The following TRAPPC8 variants were observed in gnomAD, a reference collection of about 807,000 sequenced individuals.
TRAPPC8 encodes the protein trafficking protein particle complex subunit 8, also known as general sporulation gene 1 homolog.
Under a neutral mutation model 174.3 loss-of-function variants are expected in TRAPPC8, and 54 were observed. The observed-to-expected ratio is 0.31, with a 90% CI of 0.25 to 0.39. TRAPPC8 has a LOEUF of 0.39. TRAPPC8 is among the 10% of genes least tolerant of loss of function. The pLI is 1.00. For synonymous variants in TRAPPC8, 630 were observed against 579.9 expected, an observed-to-expected ratio of 1.09 and a Z score of -1.24; for missense variants, 1,531 against 1,699.1, an observed-to-expected ratio of 0.90 and a Z score of 1.74.
intron 19 of TRAPPC8, among the ~76,000 whole-genome samples, chr18:31,864,058 TTATG>T (rs1376331989): frequency 2.7e-5 from 4 of 148,048 alleles, no homozygotes; most frequent in Non-Finnish European, 4.5e-5. Flanking sequence ...TATATTTATA[TTATG>T]TATTATATAA....
chr18:31,900,086 T>C (rs1421122180), intron 10 of TRAPPC8, among the ~76,000 whole-genome samples: 2 of 150,746 alleles, frequency 1.3e-5, no homozygotes, highest in African/African-American at 2.4e-5. Context: ...AAATACAAAA[T>C]AGCCAGGCAT....
intron 27 of TRAPPC8, chr18:31,832,389 T>C (rs996242167): frequency 2.5e-5 from 5 of 200,028 alleles, no homozygotes; most frequent in African/African-American, 1.2e-4. Context: ...TATCAGAATA[T>C]ATACATTCAC....
At position 31,942,961 on chromosome 18, in the gene TRAPPC8, C is replaced by T; in HGVS notation, c.-197G>A. The T allele has an allele frequency of 9.0e-7, 1 of 1,109,476 alleles. No individual in the cohort carries two copies. Among genetic ancestry groups the T allele is most frequent in the Non-Finnish European group, 1.1e-6 (1 of 874,532 alleles). 68.7% of individuals were successfully genotyped at this position (1,109,476 alleles called of 1,614,324 possible). ...GGCACAATCCACTGACCCCCCCCTT[C>T]CCGTCACCGCCGCTTCTCAGCGCTC... On this transcript the variant is annotated 5_prime_UTR_variant, in exon 1 of 29. Coordinates refer to ENST00000283351, the MANE Select transcript of TRAPPC8 (RefSeq NM_014939.5).
intron 2 of TRAPPC8, among the ~76,000 whole-genome samples, chr18:31,919,065 T>C (rs970825686): frequency 3.9e-5 from 6 of 152,164 alleles, no homozygotes; most frequent in Admixed American, 6.6e-5. Flanking sequence ...CTTAACCAAA[T>C]AGCATTCTAA....
chr18:31,919,774 T>C lies in TRAPPC8; in HGVS notation c.353-2107A>G, dbSNP rs554911473. Among the ~76,000 whole-genome samples the C allele has an allele frequency of 6.1e-4, 92 of 151,432 alleles. 1 individual carries two copies. The highest frequency in any genetic ancestry group is 2.2e-3 in the African/African-American group (91 of 41,264). On this transcript the variant is annotated intron_variant, in intron 2 of 28. Coordinates refer to ENST00000283351, the MANE Select transcript of TRAPPC8 (RefSeq NM_014939.5). ...TACTCGAGAGGCTGAGGTGGGAGGATCACCTGAGCCCAGGAAGTCAAGGCT... is the reference window on the plus strand; with the variant it reads ...TACTCGAGAGGCTGAGGTGGGAGGACCACCTGAGCCCAGGAAGTCAAGGCT...
chr18:31,921,244 A>T (rs924867037), intron 2 of TRAPPC8, among the ~76,000 whole-genome samples: 1 of 152,206 alleles, frequency 6.6e-6, no homozygotes, highest in Non-Finnish European at 1.5e-5. Flanking sequence ...AATCTACTAC[A>T]TTTAATTATC....
intron 12 of TRAPPC8, among the ~76,000 whole-genome samples, chr18:31,876,489 C>CAAAAAAAAAAAAAAA (rs71175801): frequency 0.025 from 1,208 of 48,678 alleles, 214 homozygotes; most frequent in Non-Finnish European, 0.029. Context: ...GACTCCATCT[C>CAAAAAAAAAAAAAAA]AAAAAAAAAA....
rs763837821 is a variant in TRAPPC8 at position 31,852,474 on chromosome 18, A to C, written c.3533T>G (p.Phe1178Cys). 17 of 1,614,202 alleles carry C rather than the reference A, an allele frequency of 1.1e-5. No individual in the cohort carries two copies. Among genetic ancestry groups the C allele is most frequent in the Admixed American group, 1.7e-5 (1 of 60,020 alleles). Residue 1178 changes from phenylalanine to cysteine, a missense_variant, in exon 24 of 29, where the codon TTT becomes TGT. Physicochemically the swap from Phe to Cys is radical, Grantham distance 205 (BLOSUM62 -2). Coordinates refer to ENST00000283351, the MANE Select transcript of TRAPPC8 (RefSeq NM_014939.5). ...TTCATTTCCAAAGATGATATCTGCA[A>C]AGGTATATTTTTCAGAGGACTGTGT... is the stretch of plus-strand genomic sequence containing the variant. ...AATQSSEKYTFADIIFGNEQI... is the reference protein window; with the variant it reads ...AATQSSEKYTCADIIFGNEQI...
At chr18:31,845,178 C>CAAAAAA (rs34356293) in intron 26 of TRAPPC8, 3 of 125,334 alleles carry the variant, frequency 2.4e-5, no homozygotes, top group Non-Finnish European at 5.1e-5. Context: ...GACTCCGTCT[C>CAAAAAA]AAAAAAAAAA....
chr18:31,837,736 A>C (rs1333282002), intron 27 of TRAPPC8, among the ~76,000 whole-genome samples: 1 of 152,040 alleles, frequency 6.6e-6, no homozygotes, highest in African/African-American at 2.4e-5. Flanking sequence ...AGAAGAAAAA[A>C]AAATATTTTA....
intron 1 of TRAPPC8, among the ~76,000 whole-genome samples, chr18:31,942,371 T>G (rs193132886): frequency 7.9e-5 from 12 of 152,266 alleles, no homozygotes; most frequent in Non-Finnish European, 1.8e-4. Context: ...ACGACCTAGG[T>G]TGTCCGAGGA....
chr18:31,867,659 T>C (rs2034652497), intron 16 of TRAPPC8, among the ~76,000 whole-genome samples, 183 bp from the exon 17 acceptor site: 2 of 152,356 alleles, frequency 1.3e-5, no homozygotes, highest in Admixed American at 6.5e-5. Context: ...ACCCAGGCTG[T>C]AGTAGGCACT....
Position 31,916,357 on chromosome 18 carries a change from C to A in TRAPPC8, c.532G>T (p.Asp178Tyr). 1 of 1,613,744 alleles carries A rather than the reference C, an allele frequency of 6.2e-7. No individual in the cohort carries two copies. Among genetic ancestry groups the A allele is most frequent in the South Asian group, 1.1e-5 (1 of 90,970 alleles). The change falls in exon 4 of 29, where the codon GAT becomes TAT. Residue 178 changes from aspartate to tyrosine, a missense_variant. Physicochemically the swap from Asp to Tyr is radical, Grantham distance 160. Transcript: ENST00000283351. ...ATAAACCACTTGGGGTAGGAATAATCACTGTTGTGCTGAATTCGATGCTGT... is the reference window on the plus strand; with the variant it reads ...ATAAACCACTTGGGGTAGGAATAATAACTGTTGTGCTGAATTCGATGCTGT... The part of the protein sequence containing the change: ...QEQHRIQHNS[D>Y]YSYPKWFIPN...
At chr18:31,899,942 C>CA (rs1300676813) in intron 10 of TRAPPC8, among the ~76,000 whole-genome samples, 84 of 141,988 alleles carry the variant, frequency 5.9e-4, no homozygotes, top group African/African-American at 1.6e-3. Context: ...GAGACTGTCT[C>CA]AAAAAAAAAC....
intron 12 of TRAPPC8, among the ~76,000 whole-genome samples, chr18:31,880,121 ATT>A (rs56728828): frequency 0.01 from 702 of 68,968 alleles, 6 homozygotes; most frequent in African/African-American, 0.021. Flanking sequence ...ATATATATAT[ATT>A]TTTTTTTTTT....
At chr18:31,842,098 C>T (rs1360070042) in intron 26 of TRAPPC8, among the ~76,000 whole-genome samples, 4 of 152,126 alleles carry the variant, frequency 2.6e-5, no homozygotes, top group African/African-American at 9.7e-5. Context: ...GACTAGTATA[C>T]CCTTGGTACA....
Position 31,873,479 on chromosome 18 carries a change from G to A in TRAPPC8, c.2013C>T (p.Asn671=). ...CAAAAAAAACCCGTGTTGCTGAACT[G>A]TTAATATACGGTAAAGGAAGCTGTG... The part of the protein sequence containing the change: ...PLPQLPLPYI[N]SSATRVFFGH... The change falls in exon 14 of 29, where the codon AAC becomes AAT. Residue 671 remains asparagine, a synonymous_variant. Coordinates refer to ENST00000283351, the MANE Select transcript of TRAPPC8 (RefSeq NM_014939.5). 3 of 1,613,878 alleles carry A rather than the reference G, an allele frequency of 1.9e-6. No individual in the cohort carries two copies. The highest frequency in any genetic ancestry group is 1.3e-5 in the African/African-American group (1 of 75,008).
intron 18 of TRAPPC8, among the ~76,000 whole-genome samples, chr18:31,866,093 T>C (rs927765834): frequency 2.0e-5 from 3 of 152,106 alleles, no homozygotes; most frequent in African/African-American, 7.2e-5. Context: ...AATCAGCTTT[T>C]GTAAATGCTA....
At chr18:31,900,733 A>G (rs549487895) in intron 10 of TRAPPC8, among the ~76,000 whole-genome samples, 192 bp downstream of exon 10, 1 of 152,322 alleles carries the variant, frequency 6.6e-6, no homozygotes, top group Non-Finnish European at 1.5e-5. Context: ...ATTACATAAC[A>G]CATTCCTAAC....
Sources: allele counts gnomAD v4.1 joint callset (sites outside exome capture counted in the v4.1 genomes callset), GRCh38; gene constraint gnomAD v4.1.1; transcripts MANE v1.5; gene names NCBI Gene and HGNC (gene_info 2026-07-23, HGNC 2026-07-21).